SLCO3A1: variants seen among roughly 807,000 people sequenced by gnomAD.
SLCO3A1 encodes the protein PGE1 transporter.
In SLCO3A1, 27 loss-of-function variants were observed where a neutral mutation model predicts 63.1. The observed-to-expected ratio is 0.43, with a 90% confidence interval of 0.32 to 0.59. The LOEUF (loss-of-function observed/expected upper bound fraction) is 0.59, where lower values mean the gene tolerates loss of function less well. Among genes scored for constraint, SLCO3A1 ranks in the 20% least tolerant of loss-of-function variants. The pLI, the probability that SLCO3A1 is intolerant of heterozygous loss-of-function variation, is 0.09. For missense variants in SLCO3A1, 773 were observed against 945.8 expected (o/e 0.82, Z 2.40); for synonymous variants, 473 against 409.9 (o/e 1.15, Z -1.86).
At chr15:92,062,223 G>A (rs551350545) in intron 2 of SLCO3A1, among the ~76,000 whole-genome samples, 18 of 152,296 alleles carry the variant, frequency 1.2e-4, no homozygotes, top group African/African-American at 3.1e-4. Flanking sequence ...GGTTTCAGAT[G>A]GTAAAAGTTT....
rs1030254359 is a variant in SLCO3A1, at chr15:91,860,798, T to A, written c.180+6710T>A. On this transcript the variant is annotated intron_variant, in intron 1 of 9. Coordinates refer to ENST00000318445, the MANE Select transcript of SLCO3A1 (RefSeq NM_013272.4). This position sits in a 1 kb window ranked among gnomAD's most constrained non-coding sequence, Gnocchi z 5.5. The stretch of plus-strand genomic sequence containing the variant: ...TCACGTCTTGTCTGCTGCCTTCACC[T>A]CGTGTTCTCTTGCAGTATTAAGTGG... Among the ~76,000 whole-genome samples, 4 of 152,336 alleles carry A rather than the reference T, an allele frequency of 2.6e-5. No individual in the cohort carries two copies. The highest frequency in any genetic ancestry group is 7.2e-5 in the African/African-American group (3 of 41,584).
intron 2 of SLCO3A1, among the ~76,000 whole-genome samples, chr15:92,008,153 T>A (rs559938126): frequency 3.3e-4 from 51 of 152,296 alleles, no homozygotes; most frequent in African/African-American, 1.1e-3. Flanking sequence ...GACCTTTTTT[T>A]CTTCCTGCAA....
At chr15:92,114,433 C>T (rs948910915) in intron 4 of SLCO3A1, among the ~76,000 whole-genome samples, 2 of 152,130 alleles carry the variant, frequency 1.3e-5, no homozygotes, top group African/African-American at 2.4e-5. Context: ...CTTGGTCCCA[C>T]GTGGCTTCTG....
chr15:91,971,394 CAAAA>C (rs796386299), intron 2 of SLCO3A1, among the ~76,000 whole-genome samples: 5 of 39,366 alleles, frequency 1.3e-4, no homozygotes, highest in Admixed American at 8.4e-4. Flanking sequence ...GACTCCATCT[CAAAA>C]AAAAAAAAAA....
At chr15:91,970,865 A>C (rs1486566799) in intron 2 of SLCO3A1, among the ~76,000 whole-genome samples, 1 of 151,946 alleles carries the variant, frequency 6.6e-6, no homozygotes, top group Non-Finnish European at 1.5e-5. Context: ...CTAATGCCCA[A>C]CCAGATGAAG....
chr15:91,946,035 T>A (rs560597189), intron 2 of SLCO3A1, among the ~76,000 whole-genome samples: 2 of 152,360 alleles, frequency 1.3e-5, no homozygotes, highest in East Asian at 3.8e-4. Context: ...CATATAAATA[T>A]CACTTGGTGA....
intron 2 of SLCO3A1, among the ~76,000 whole-genome samples, chr15:92,014,692 G>T (rs1170432485): frequency 1.3e-5 from 2 of 152,084 alleles, no homozygotes; most frequent in Non-Finnish European, 2.9e-5. Context: ...AACATTTATT[G>T]GGTGCCTAGT....
intron 1 of SLCO3A1, among the ~76,000 whole-genome samples, chr15:91,911,681 C>A (rs1377938939): frequency 6.6e-6 from 1 of 151,994 alleles, no homozygotes; most frequent in Non-Finnish European, 1.5e-5. Flanking sequence ...GGCTGGAGTG[C>A]AGTGGCGCAG....
At chr15:92,109,128 G>A (rs28472943) in intron 4 of SLCO3A1, among the ~76,000 whole-genome samples, 2 of 152,150 alleles carry the variant, frequency 1.3e-5, no homozygotes, top group African/African-American at 4.8e-5. Flanking sequence ...ACAGATAGCA[G>A]GTAATGATTG....
intron 2 of SLCO3A1, among the ~76,000 whole-genome samples, chr15:92,078,367 G>C (rs1395103849): frequency 1.3e-5 from 2 of 152,192 alleles, no homozygotes; most frequent in Non-Finnish European, 2.9e-5. Flanking sequence ...CTCCATAGCA[G>C]GTGTCTCCCT....
intron 1 of SLCO3A1, among the ~76,000 whole-genome samples, chr15:91,898,829 G>T (rs982361324): frequency 9.9e-5 from 15 of 152,100 alleles, no homozygotes; most frequent in African/African-American, 3.6e-4. Flanking sequence ...TTCATGGGGG[G>T]ACAATTAGGA....
chr15:91,908,369 T>G (rs1898378458), intron 1 of SLCO3A1: 1 of 152,136 alleles, frequency 6.6e-6, no homozygotes, highest in Non-Finnish European at 1.5e-5. Context: ...GCTAAATCAT[T>G]CCACCAGAAA....
chr15:91,946,009 T>C (rs1219412046), intron 2 of SLCO3A1, among the ~76,000 whole-genome samples: 1 of 152,228 alleles, frequency 6.6e-6, no homozygotes, highest in Non-Finnish European at 1.5e-5. Context: ...AAGCACTATC[T>C]GTCATTTTCT....
intron 2 of SLCO3A1, among the ~76,000 whole-genome samples, chr15:92,032,687 G>A (rs1457940115): frequency 6.6e-6 from 1 of 152,172 alleles, no homozygotes. Context: ...GCATCTTGCA[G>A]GTGCAGAGGC....
At chr15:91,926,602 C>CGG (rs1555450198) in intron 2 of SLCO3A1, among the ~76,000 whole-genome samples, 2 of 34,880 alleles carry the variant, frequency 5.7e-5, no homozygotes, top group African/African-American at 3.8e-4. Flanking sequence ...TGTGTGCGCG[C>CGG]GCGCACGCCC....
chr15:91,939,283 T>G (rs538670326), intron 2 of SLCO3A1, among the ~76,000 whole-genome samples: 54 of 152,202 alleles, frequency 3.5e-4, no homozygotes, highest in Non-Finnish European at 6.0e-4. Flanking sequence ...AAGAACTCGC[T>G]CATTATCACA....
At chr15:91,936,488 G>T (rs539845978) in intron 2 of SLCO3A1, among the ~76,000 whole-genome samples, 2 of 152,378 alleles carry the variant, frequency 1.3e-5, no homozygotes, top group Admixed American at 1.3e-4. Context: ...TGTCGCTGCA[G>T]AAATTTCTTA....
intron 7 of SLCO3A1, 94 bp from the exon 8 acceptor site, chr15:92,146,890 G>A (rs941576498): frequency 4.3e-6 from 5 of 1,158,002 alleles, no homozygotes; most frequent in Non-Finnish European, 6.1e-6. Flanking sequence ...CACAGAATGT[G>A]TAATTAGGCT....
At chr15:92,158,196 G>A (rs377532070) in intron 9 of SLCO3A1, among the ~76,000 whole-genome samples, 3 of 152,016 alleles carry the variant, frequency 2.0e-5, no homozygotes, top group East Asian at 1.9e-4. Flanking sequence ...AGGGCTGCCC[G>A]CTTTGCAAAG....
Sources: gnomAD v4.1 joint callset for allele counts (sites outside exome capture counted in the v4.1 genomes callset) on GRCh38, gnomAD v4.1.1 for gene constraint, Gnocchi (gnomAD v3.1) non-coding constraint, MANE v1.5 for transcripts, NCBI Gene and HGNC (gene_info 2026-07-23, HGNC 2026-07-21) for gene names.